The following TOB2 variants were observed in gnomAD, a reference collection of about 807,000 sequenced individuals.
TOB2 encodes the protein protein Tob2.
TOB2 carries 3 observed loss-of-function variants against 17.3 expected under a neutral mutation model. The observed-to-expected ratio is 0.17, with a 90% CI of 0.08 to 0.45. The LOEUF is 0.45. TOB2 is among the 20% of genes least tolerant of loss of function. The probability of loss-of-function intolerance (pLI) is 0.99; values close to 1 mark genes in which losing one functional copy is unlikely to be tolerated. For missense variants in TOB2, 407 were observed against 445.7 expected (o/e 0.91, Z 0.78); for synonymous variants, 163 against 185.6 (o/e 0.88, Z 0.99).
intron 1 of TOB2, among the ~76,000 whole-genome samples, chr22:41,445,731 C>T (rs10212032): frequency 0.037 from 5,664 of 152,240 alleles, 324 homozygotes; most frequent in African/African-American, 0.13. Context: ...AAGCAGAATC[C>T]ACTCACTGGC....
intron 1 of TOB2, among the ~76,000 whole-genome samples, chr22:41,443,970 A>G (rs2037650832): frequency 6.6e-6 from 1 of 152,204 alleles, no homozygotes; most frequent in African/African-American, 2.4e-5. Context: ...GAGGAAAAGG[A>G]GGGATAATGG....
intron 1 of TOB2, among the ~76,000 whole-genome samples, chr22:41,438,630 CAAAAAAAAAAAA>C (rs749494672): frequency 6.0e-3 from 76 of 12,694 alleles, no homozygotes; most frequent in East Asian, 0.014. Flanking sequence ...AACTCTGTCT[CAAAAAAAAAAAA>C]AAAAAAAAAA....
At chr22:41,444,289 G>A (rs1231627280) in intron 1 of TOB2, among the ~76,000 whole-genome samples, 1 of 152,080 alleles carries the variant, frequency 6.6e-6, no homozygotes, top group African/African-American at 2.4e-5. Flanking sequence ...GCAACACCGC[G>A]CCCAGTCTCT....
At chr22:41,445,434 C>G (rs942155965) in intron 1 of TOB2, among the ~76,000 whole-genome samples, 2 of 152,164 alleles carry the variant, frequency 1.3e-5, no homozygotes, top group African/African-American at 4.8e-5. Context: ...GCCGGAAAAT[C>G]AGAGATGAAG....
intron 1 of TOB2, among the ~76,000 whole-genome samples, chr22:41,440,220 C>T (rs987495397): frequency 2.0e-5 from 3 of 151,666 alleles, no homozygotes; most frequent in Admixed American, 2.0e-4. Flanking sequence ...CCGGTTCAAG[C>T]GATTCTCCTG....
At chr22:41,440,118 C>CT (rs58047603) in intron 1 of TOB2, among the ~76,000 whole-genome samples, 40 of 148,574 alleles carry the variant, frequency 2.7e-4, no homozygotes, top group South Asian at 8.4e-4. Context: ...CTTTTTCTTT[C>CT]TTTTTTTTTT....
chr22:41,439,929 C>T (rs935180803), intron 1 of TOB2, among the ~76,000 whole-genome samples: 3 of 152,084 alleles, frequency 2.0e-5, no homozygotes, highest in Non-Finnish European at 4.4e-5. Flanking sequence ...ATCTAGTTAA[C>T]CCTCATTTCA....
chr22:41,443,598 G>T (rs1386163669), intron 1 of TOB2, among the ~76,000 whole-genome samples: 2 of 151,182 alleles, frequency 1.3e-5, no homozygotes, highest in African/African-American at 4.9e-5. Context: ...GATTACAGGC[G>T]TGAGTCACTG....
At chr22:41,438,055 A>G (rs2037573602) in intron 1 of TOB2, among the ~76,000 whole-genome samples, 1 of 151,814 alleles carries the variant, frequency 6.6e-6, no homozygotes, top group Non-Finnish European at 1.5e-5. Flanking sequence ...CACTGTATGA[A>G]TGACACTAAA....
Position 41,436,892 on chromosome 22 carries a change from TGGACAG to T in TOB2, c.448_453del (p.Leu150_Ser151del). 6.2e-7 allele frequency: 1 copy of T among 1,614,158 alleles called. No individual in the cohort carries two copies. The highest frequency in any genetic ancestry group is 8.5e-7 in the Non-Finnish European group (1 of 1,180,024). ...TGGCCAAAGGATGGCGATGGGGAGT[TGGACAG>T]GGAGCTGTCCTGGCTGCCAATGGGC... On this transcript the variant is annotated inframe_deletion, in exon 2 of 2. Transcript: ENST00000327492. The surrounding 1 kb of genome is among the most constrained non-coding windows in gnomAD (Gnocchi z 4.8).
intron 1 of TOB2, among the ~76,000 whole-genome samples, chr22:41,441,400 C>CCA (rs1044316699): frequency 6.6e-6 from 1 of 152,028 alleles, no homozygotes; most frequent in African/African-American, 2.4e-5. Context: ...ACAAAACTAC[C>CCA]CACCAGAACC....
intron 1 of TOB2, among the ~76,000 whole-genome samples, chr22:41,442,485 A>G (rs1224463025): frequency 6.6e-6 from 1 of 152,254 alleles, no homozygotes; most frequent in Non-Finnish European, 1.5e-5. Context: ...TTTCTGCAGC[A>G]TAAGCAACTA....
At chr22:41,440,121 T>TC in intron 1 of TOB2, among the ~76,000 whole-genome samples, 1 of 10,606 alleles carries the variant, frequency 9.4e-5, no homozygotes, top group Admixed American at 3.7e-4. Flanking sequence ...TTTCTTTCTT[T>TC]TTTTTTTTTT....
At position 41,436,921 on chromosome 22, in the gene TOB2, G is replaced by A; in HGVS notation, c.425C>T (p.Pro142Leu). The A allele has an allele frequency of 6.2e-7, 1 of 1,614,182 alleles. No individual in the cohort carries two copies. The stretch of plus-strand genomic sequence containing the variant: ...CAGGGAGCTGTCCTGGCTGCCAATG[G>A]GCACGAACACCTGGGCGTCAGGGTT... Reference protein sequence around the residue: ...SFNPDAQVFVPIGSQDSSLSN... With the variant: ...SFNPDAQVFVLIGSQDSSLSN... Residue 142 changes from proline to leucine, a missense_variant, in exon 2 of 2, where the codon CCC (proline) becomes CTC (leucine). Pro to Leu is a moderately conservative substitution (Grantham distance 98). Coordinates refer to ENST00000327492, the MANE Select transcript of TOB2 (RefSeq NM_016272.4). This position sits in a 1 kb window ranked among gnomAD's most constrained non-coding sequence, Gnocchi z 4.8.
At chr22:41,444,278 T>C (rs2146040470) in intron 1 of TOB2, among the ~76,000 whole-genome samples, 1 of 152,218 alleles carries the variant, frequency 6.6e-6, no homozygotes, top group South Asian at 2.1e-4. Flanking sequence ...GCTGACTGAC[T>C]GCAACACCGC....
chr22:41,437,076 C>A lies in TOB2; in HGVS notation c.270G>T (p.Leu90=). The part of the protein sequence containing the change: ...EDVRANVPEE[L]SVWIDPFEVS... ...CCTCAAAGGGATCAATCCAGACACT[C>A]AGCTCCTCAGGCACATTGGCCCGCA... Residue 90 remains leucine, a synonymous_variant, in exon 2 of 2, where the codon CTG becomes CTT. Coordinates refer to ENST00000327492, the MANE Select transcript of TOB2 (RefSeq NM_016272.4). 1 of 1,614,160 alleles carries A rather than the reference C, an allele frequency of 6.2e-7. No individual in the cohort carries two copies. The highest frequency in any genetic ancestry group is 8.5e-7 in the Non-Finnish European group (1 of 1,180,036).
chr22:41,440,571 C>CTT (rs928099506), intron 1 of TOB2, among the ~76,000 whole-genome samples: 18 of 129,532 alleles, frequency 1.4e-4, no homozygotes, highest in South Asian at 5.0e-4. Flanking sequence ...CCACACCTGG[C>CTT]TTTTTTTTTT....
chr22:41,437,486 C>G, intron 1 of TOB2, 79 bp from the exon 2 acceptor site: 1 of 1,450,208 alleles, frequency 6.9e-7, no homozygotes, highest in Non-Finnish European at 9.1e-7. Flanking sequence ...AGAAAAGCAC[C>G]AACTTTGGAT....
At chr22:41,445,350 A>G (rs1233066764) in intron 1 of TOB2, among the ~76,000 whole-genome samples, 2 of 152,178 alleles carry the variant, frequency 1.3e-5, no homozygotes, top group Non-Finnish European at 2.9e-5. Context: ...TTCCTCCCAC[A>G]CAAGCTTCTT....
Sources: gnomAD v4.1 joint callset for allele counts (sites outside exome capture counted in the v4.1 genomes callset) on GRCh38, gnomAD v4.1.1 for gene constraint, Gnocchi (gnomAD v3.1) non-coding constraint, MANE v1.5 for transcripts, NCBI Gene and HGNC (gene_info 2026-07-23, HGNC 2026-07-21) for gene names.